The following FRMD6 variants were observed in gnomAD, a reference collection of about 807,000 sequenced individuals.
FRMD6 encodes FERM domain containing 6, also known as FERM domain-containing protein 6.
In FRMD6, 37 loss-of-function variants were observed where a neutral mutation model predicts 73.2. The observed-to-expected ratio is 0.51, with a 90% CI of 0.39 to 0.66. The LOEUF is 0.66. Among genes scored for constraint, FRMD6 ranks in the 30% least tolerant of loss-of-function variants. The pLI, the probability that FRMD6 is intolerant of heterozygous loss-of-function variation, is 0.00. For missense variants in FRMD6, 714 were observed against 780.5 expected (o/e 0.91, Z 1.02); for synonymous variants, 273 against 282.2 (o/e 0.97, Z 0.33).
At chr14:51,659,364 G>A (rs1893053109) in intron 1 of FRMD6, among the ~76,000 whole-genome samples, 1 of 152,218 alleles carries the variant, frequency 6.6e-6, no homozygotes, top group Non-Finnish European at 1.5e-5. Context: ...AAGAAGTGAT[G>A]TATAAAAGGA....
chr14:51,653,950 G>A (rs1441508838), intron 1 of FRMD6, among the ~76,000 whole-genome samples: 7 of 152,176 alleles, frequency 4.6e-5, no homozygotes, highest in African/African-American at 1.7e-4. Context: ...CAGACTGACT[G>A]TAATATGAAC....
chr14:51,556,341 C>T (rs760209930), intron 1 of FRMD6, among the ~76,000 whole-genome samples: 1 of 152,176 alleles, frequency 6.6e-6, no homozygotes, highest in Non-Finnish European at 1.5e-5. Context: ...ATATCAATCA[C>T]TGAATAATTA....
At chr14:51,602,062 C>G (rs970400891) in intron 2 of FRMD6, among the ~76,000 whole-genome samples, 160 of 151,798 alleles carry the variant, frequency 1.1e-3, no homozygotes, top group African/African-American at 3.8e-3. Flanking sequence ...GTTAGCCTCA[C>G]TGGTACATGT....
At chr14:51,606,799 C>T (rs1890276916) in intron 2 of FRMD6, among the ~76,000 whole-genome samples, 1 of 152,152 alleles carries the variant, frequency 6.6e-6, no homozygotes. Flanking sequence ...GCTGACCTAG[C>T]ATGGCTCAGC....
At chr14:51,614,087 C>T (rs1291312627) in intron 2 of FRMD6, among the ~76,000 whole-genome samples, 1 of 152,148 alleles carries the variant, frequency 6.6e-6, no homozygotes, top group African/African-American at 2.4e-5. Flanking sequence ...AGGCACTTCC[C>T]ACTCTTCTGC....
At chr14:51,630,442 T>A (rs1301093765) in intron 2 of FRMD6, among the ~76,000 whole-genome samples, 1 of 151,976 alleles carries the variant, frequency 6.6e-6, no homozygotes, top group African/African-American at 2.4e-5. Flanking sequence ...AACTGAGAAT[T>A]AAAAAAACAA....
chr14:51,478,635 G>C, the FRMD6 span, among the ~76,000 whole-genome samples: 1 of 152,148 alleles, frequency 6.6e-6, no homozygotes, highest in Non-Finnish European at 1.5e-5. Flanking sequence ...GTGGGAAAGA[G>C]AAACTGGAAA....
chr14:51,688,375 T>C (rs1895319276), intron 1 of FRMD6, among the ~76,000 whole-genome samples: 1 of 152,210 alleles, frequency 6.6e-6, no homozygotes, highest in African/African-American at 2.4e-5. Flanking sequence ...GTAATTCCCT[T>C]GTAAATGATG....
intron 2 of FRMD6, among the ~76,000 whole-genome samples, chr14:51,575,078 A>T (rs1327980647): frequency 2.0e-5 from 3 of 152,220 alleles, no homozygotes; most frequent in South Asian, 4.1e-4. Flanking sequence ...CATGGAGCCT[A>T]TTGAAAGACC....
chr14:51,499,210 C>G (rs934465231), intron 1 of FRMD6, among the ~76,000 whole-genome samples: 64 of 152,200 alleles, frequency 4.2e-4, no homozygotes, highest in African/African-American at 1.5e-3. Context: ...ACCTTGCCCT[C>G]CTTTAGCGGA....
chr14:51,694,709 A>T (rs1895826901), intron 2 of FRMD6, among the ~76,000 whole-genome samples: 1 of 152,210 alleles, frequency 6.6e-6, no homozygotes, highest in Non-Finnish European at 1.5e-5. Context: ...AAAATAGTCC[A>T]TATAGAGTAT....
At chr14:51,543,598 C>T (rs747379250) in intron 1 of FRMD6, among the ~76,000 whole-genome samples, 1 of 151,940 alleles carries the variant, frequency 6.6e-6, no homozygotes, top group Non-Finnish European at 1.5e-5. Flanking sequence ...GATAAAAAGA[C>T]CTGATCTCTG....
upstream of FRMD6, among the ~76,000 whole-genome samples, chr14:51,486,528 C>G (rs1167367593): frequency 1.3e-5 from 2 of 152,168 alleles, no homozygotes; most frequent in African/African-American, 4.8e-5. Context: ...TTACTGTATA[C>G]CTGTTATCAT....
At chr14:51,500,588 T>C (rs1022673658) in intron 1 of FRMD6, among the ~76,000 whole-genome samples, 4 of 152,132 alleles carry the variant, frequency 2.6e-5, no homozygotes, top group Admixed American at 1.3e-4. Flanking sequence ...AGAGAAAGTT[T>C]TGAATGAAGC....
intron 1 of FRMD6, among the ~76,000 whole-genome samples, chr14:51,525,129 A>G (rs1214174669): frequency 6.7e-6 from 1 of 149,560 alleles, no homozygotes; most frequent in Non-Finnish European, 1.5e-5. Flanking sequence ...ATAGAGACAG[A>G]TGATAGGTGG....
chr14:51,453,000 A>G, the FRMD6 span, among the ~76,000 whole-genome samples: 2 of 152,110 alleles, frequency 1.3e-5, no homozygotes, highest in Non-Finnish European at 2.9e-5. Context: ...GAAAATGGAG[A>G]CAGTGAGTTC....
chr14:51,650,391 GTTTTTTTTTTTT>G (rs11318703), upstream of FRMD6: 2 of 105,188 alleles, frequency 1.9e-5, no homozygotes, highest in Non-Finnish European at 3.8e-5. Context: ...GAGCAGGGCA[GTTTTTTTTTTTT>G]TTTTTTTTTT....
chr14:51,467,448 G>A, the FRMD6 span, among the ~76,000 whole-genome samples: 2 of 152,158 alleles, frequency 1.3e-5, no homozygotes, highest in Non-Finnish European at 2.9e-5. Context: ...AACTGCCATC[G>A]TCATCATGGC....
intron 2 of FRMD6, among the ~76,000 whole-genome samples, chr14:51,597,700 T>G (rs1159886626): frequency 2.6e-5 from 4 of 152,354 alleles, no homozygotes; most frequent in Admixed American, 6.5e-5. Flanking sequence ...ACTTAAAACA[T>G]TCCTTGGTGC....
Sources: allele counts gnomAD v4.1 joint callset (sites outside exome capture counted in the v4.1 genomes callset), GRCh38; gene constraint gnomAD v4.1.1; transcripts MANE v1.5; gene names NCBI Gene and HGNC (gene_info 2026-07-23, HGNC 2026-07-21).